The following SLC41A2 variants were observed in gnomAD, a reference collection of about 807,000 sequenced individuals.
SLC41A2 encodes the protein SLC41A1-like 1.
SLC41A2 carries 32 observed loss-of-function variants against 58.3 expected under a neutral mutation model. The observed-to-expected ratio is 0.55, with a 90% CI of 0.41 to 0.74. The LOEUF (loss-of-function observed/expected upper bound fraction) is 0.74. Ranked by LOEUF, SLC41A2 falls within the 30% of genes least tolerant of loss-of-function variation. SLC41A2 has a pLI of 0.00. For missense variants in SLC41A2, 514 were observed against 680.6 expected (o/e 0.76, Z 2.72); for synonymous variants, 190 against 235.0 (o/e 0.81, Z 1.75).
chr12:104,846,018 A>G (rs779698291), intron 8 of SLC41A2, 44 bp from the exon 9 acceptor site: 1 of 1,588,938 alleles, frequency 6.3e-7, no homozygotes, highest in East Asian at 2.3e-5. Context: ...CATATTTTAA[A>G]CAATTTGCAT....
intron 1 of SLC41A2, among the ~76,000 whole-genome samples, chr12:104,943,788 C>T (rs1036995993): frequency 1.3e-5 from 2 of 152,180 alleles, no homozygotes; most frequent in African/African-American, 4.8e-5. Flanking sequence ...AAGGTGACCG[C>T]ATCCACCTTT....
chr12:104,886,344 T>G lies in SLC41A2; in HGVS notation c.976A>C (p.Ile326Leu). Residue 326 changes from isoleucine (I) to leucine (L), a missense_variant, in exon 6 of 11, where the codon ATA (isoleucine) becomes CTA (leucine). Physicochemically the swap from Ile to Leu is conservative, Grantham distance 5. Transcript: ENST00000258538. ...TPIAASFGDL[I>L]TLAILAWISQ... The stretch of plus-strand genomic sequence containing the variant: ...ATCCAAGCCAATATGGCAAGAGTTA[T>G]AAGGTCGCCAAAACTAGCAGCAATG... The G allele has an allele frequency of 6.2e-7, 1 of 1,613,698 alleles. No homozygotes were observed. The highest frequency in any genetic ancestry group is 8.5e-7 in the Non-Finnish European group (1 of 1,179,680).
At chr12:104,934,578 C>A (rs2047190809) in intron 1 of SLC41A2, among the ~76,000 whole-genome samples, 1 of 152,098 alleles carries the variant, frequency 6.6e-6, no homozygotes. Context: ...TCTATCTGCA[C>A]TCCCATGTTC....
At chr12:104,916,212 G>T (rs924813800) in intron 2 of SLC41A2, among the ~76,000 whole-genome samples, 5 of 152,136 alleles carry the variant, frequency 3.3e-5, no homozygotes, top group East Asian at 1.9e-4. Flanking sequence ...GTTCATCAAA[G>T]ATATTGATCT....
At chr12:104,955,340 G>A (rs947920737) in intron 1 of SLC41A2, among the ~76,000 whole-genome samples, 1 of 150,276 alleles carries the variant, frequency 6.7e-6, no homozygotes, top group Admixed American at 6.6e-5. Context: ...GATTACCCTC[G>A]CTACCTGATT....
intron 10 of SLC41A2, among the ~76,000 whole-genome samples, chr12:104,818,319 ATTAG>A (rs937345330): frequency 7.2e-5 from 11 of 152,326 alleles, no homozygotes; most frequent in African/African-American, 1.9e-4. Flanking sequence ...AAATGAACAA[ATTAG>A]TTAGAAAACC....
chr12:104,928,448 G>T lies in SLC41A2; in HGVS notation c.80C>A (p.Thr27Asn). ...GGATTGAATTGTGTTTAAACGTAAA[G>T]TCCAATCTACAAAACCTCCTCCACT... The part of the protein sequence containing the change: ...PSSGGGFVDW[T>N]LRLNTIQSDK... Residue 27 changes from threonine (T) to asparagine (N), a missense_variant, in exon 2 of 11, where the codon ACT becomes AAT. Around this residue, in one of 3 missense-constraint regions of SLC41A2, gnomAD observed 336 missense variants for 430.0 expected, o/e 0.78. Coordinates refer to ENST00000258538, the MANE Select transcript of SLC41A2 (RefSeq NM_001352171.3). 1.9e-6 allele frequency: 3 copies of T among 1,551,040 alleles called. No homozygotes were observed. Among genetic ancestry groups the T allele is most frequent in the Non-Finnish European group, 1.7e-6 (2 of 1,146,680 alleles).
At chr12:104,947,649 C>CATAT (rs142147043) in intron 1 of SLC41A2, among the ~76,000 whole-genome samples, 5,727 of 151,650 alleles carry the variant, frequency 0.038, 142 homozygotes, top group East Asian at 0.1. Context: ...ACATATTTTA[C>CATAT]ATATATATAT....
intron 10 of SLC41A2, among the ~76,000 whole-genome samples, chr12:104,832,107 C>T (rs1434374404): frequency 6.6e-6 from 1 of 152,142 alleles, no homozygotes; most frequent in African/African-American, 2.4e-5. Context: ...CTTCAGCATA[C>T]CTTCAGAAGC....
intron 1 of SLC41A2, among the ~76,000 whole-genome samples, chr12:104,939,354 C>A (rs779557200): frequency 2.0e-5 from 3 of 152,138 alleles, no homozygotes; most frequent in Non-Finnish European, 4.4e-5. Flanking sequence ...CAGGACACCA[C>A]ACCCAGCTAA....
At chr12:104,809,016 A>T (rs2041054345) in intron 10 of SLC41A2, among the ~76,000 whole-genome samples, 1 of 152,204 alleles carries the variant, frequency 6.6e-6, no homozygotes, top group Admixed American at 6.5e-5. Flanking sequence ...GCACTTCTTT[A>T]CAGCCCTTCT....
chr12:104,936,650 A>G (rs922755042), intron 1 of SLC41A2, among the ~76,000 whole-genome samples: 6 of 152,140 alleles, frequency 3.9e-5, no homozygotes, highest in Admixed American at 1.3e-4. Flanking sequence ...AGAACAGCAC[A>G]AGAAACACCT....
intron 2 of SLC41A2, among the ~76,000 whole-genome samples, chr12:104,921,194 G>C (rs190140063): frequency 1.2e-3 from 187 of 152,122 alleles, no homozygotes; most frequent in African/African-American, 4.5e-3. Flanking sequence ...AGTTGAGCAA[G>C]AGCAAGGGAT....
intron 2 of SLC41A2, among the ~76,000 whole-genome samples, chr12:104,915,198 T>G (rs184909570): frequency 7.2e-5 from 11 of 152,334 alleles, no homozygotes; most frequent in Admixed American, 7.2e-4. Context: ...AAATAATAAG[T>G]TGAAGAACAC....
chr12:104,880,829 A>T (rs1359180650), intron 6 of SLC41A2, among the ~76,000 whole-genome samples: 1 of 152,206 alleles, frequency 6.6e-6, no homozygotes, highest in Non-Finnish European at 1.5e-5. Flanking sequence ...TGCTGGCCTC[A>T]TAAAATGAGT....
intron 10 of SLC41A2, among the ~76,000 whole-genome samples, chr12:104,820,843 T>G (rs527861119): frequency 2.0e-5 from 3 of 152,038 alleles, no homozygotes; most frequent in Admixed American, 2.0e-4. Context: ...CGGGGTTTCA[T>G]CATGTTGGCC....
intron 7 of SLC41A2, among the ~76,000 whole-genome samples, chr12:104,865,761 A>T (rs2043412727): frequency 1.3e-5 from 2 of 152,290 alleles, no homozygotes; most frequent in Admixed American, 1.3e-4. Flanking sequence ...ACTCTTTTCT[A>T]GGTTGTTCTT....
At chr12:104,877,663 A>C (rs1429930093) in intron 6 of SLC41A2, among the ~76,000 whole-genome samples, 2 of 152,184 alleles carry the variant, frequency 1.3e-5, no homozygotes, top group African/African-American at 2.4e-5. Context: ...ATTATGATTA[A>C]GTCTTTTATA....
chr12:104,802,938 T>G lies in SLC41A2; in HGVS notation c.*2214A>C, dbSNP rs561600039. ...GGATGTTAGGGACTTCACAATTTGGTCATTTTGCAGCTGTACAACCTTAGA... is the reference window on the plus strand; with the variant it reads ...GGATGTTAGGGACTTCACAATTTGGGCATTTTGCAGCTGTACAACCTTAGA... On this transcript the variant is annotated 3_prime_UTR_variant, in exon 11 of 11. Transcript: ENST00000258538. 6.6e-6 allele frequency: 1 copy of G among 152,304 alleles called. No individual in the cohort carries two copies. Among genetic ancestry groups the G allele is most frequent in the Admixed American group, 6.5e-5 (1 of 15,276 alleles). 9.4% of individuals were successfully genotyped at this position (152,304 alleles called of 1,614,324 possible). A position where few individuals can be genotyped will look rare whatever the true frequency, so the allele number is the denominator to read the frequency against.
Sources: allele counts gnomAD v4.1 joint callset (sites outside exome capture counted in the v4.1 genomes callset), GRCh38; gene constraint gnomAD v4.1.1; regional missense constraint gnomAD v4.1.1; transcripts MANE v1.5; gene names NCBI Gene and HGNC (gene_info 2026-07-23, HGNC 2026-07-21).